GABRA4: variants seen among roughly 807,000 people sequenced by gnomAD.
The protein encoded by GABRA4 is gamma-aminobutyric acid type A receptor subunit alpha4.
Under a neutral mutation model 49.7 loss-of-function variants are expected in GABRA4, and 12 were observed. The ratio of observed to expected loss-of-function variants is 0.24; its 90% CI spans 0.15 to 0.39. GABRA4 has a LOEUF of 0.39. GABRA4 is among the 10% of genes least tolerant of loss of function. The probability of loss-of-function intolerance (pLI) is 1.00; values close to 1 mark genes in which losing one functional copy is unlikely to be tolerated. For synonymous variants in GABRA4, 288 were observed against 240.2 expected, an observed-to-expected ratio of 1.20 and a Z score of -1.84; for missense variants, 506 against 686.0, an observed-to-expected ratio of 0.74 and a Z score of 2.93.
Position 46,928,171 on chromosome 4 carries a change from A to G in GABRA4, c.*54T>C, listed in dbSNP as rs1223733700. 20 of 1,379,666 alleles carry G rather than the reference A, an allele frequency of 1.4e-5. No homozygotes were observed. The highest frequency in any genetic ancestry group is 1.9e-5 in the Non-Finnish European group (19 of 1,018,350). The allele number at this position is 1,379,666 out of a possible 1,614,324, so 85.5% of individuals were successfully genotyped here. On this transcript the variant is annotated 3_prime_UTR_variant, in exon 9 of 9. Transcript: ENST00000264318. ...TATTTGTTTATATTTAAAAACATTT[A>G]AAAAGACATTCTGCATTTTCATCAT...
chr4:46,935,756 G>T (rs988319583), intron 8 of GABRA4, among the ~76,000 whole-genome samples: 3 of 152,080 alleles, frequency 2.0e-5, no homozygotes, highest in Admixed American at 2.0e-4. Context: ...ACCATGGCAC[G>T]TGTATACCTA....
At chr4:46,941,114 C>T (rs1187371722) in intron 8 of GABRA4, among the ~76,000 whole-genome samples, 3 of 151,442 alleles carry the variant, frequency 2.0e-5, no homozygotes, top group Admixed American at 1.3e-4. Context: ...ATGTATACTG[C>T]CAATATAACC....
chr4:46,981,503 G>A (rs2109399300), intron 2 of GABRA4, among the ~76,000 whole-genome samples: 1 of 152,164 alleles, frequency 6.6e-6, no homozygotes, highest in Admixed American at 6.6e-5. Flanking sequence ...TTGAGACTGA[G>A]TAAGATCCTA....
chr4:46,956,204 T>C (rs1722355105), intron 8 of GABRA4, among the ~76,000 whole-genome samples: 1 of 152,028 alleles, frequency 6.6e-6, no homozygotes, highest in Admixed American at 6.6e-5. Flanking sequence ...GAGGTACTTA[T>C]TTATATAAAA....
intron 2 of GABRA4, among the ~76,000 whole-genome samples, chr4:46,991,030 A>T (rs965005109): frequency 2.6e-5 from 4 of 152,072 alleles, no homozygotes; most frequent in African/African-American, 9.7e-5. Flanking sequence ...AAATATATTT[A>T]AAAAAATTAG....
At position 46,922,041 on chromosome 4, in the gene GABRA4, A is replaced by G. The variant is rs1721052587; in HGVS notation, c.*6184T>C. Reference sequence around the variant, plus strand: ...AAAAGACAAAATCTGTCTTCATACGATTTTACTATATACTTCCGAATAGTG... The same window carrying G: ...AAAAGACAAAATCTGTCTTCATACGGTTTTACTATATACTTCCGAATAGTG... On this transcript the variant is annotated 3_prime_UTR_variant, in exon 9 of 9. Transcript: ENST00000264318. The G allele has an allele frequency of 6.6e-6, 1 of 152,100 alleles. No individual in the cohort carries two copies. The highest frequency in any genetic ancestry group is 1.9e-4 in the East Asian group (1 of 5,182). The allele number at this position is 152,100 out of a possible 1,614,324, so 9.4% of individuals were successfully genotyped here.
At chr4:46,961,517 G>C (rs988165798) in intron 8 of GABRA4, among the ~76,000 whole-genome samples, 1 of 151,780 alleles carries the variant, frequency 6.6e-6, no homozygotes, top group African/African-American at 2.4e-5. Flanking sequence ...TTGTTTTTTG[G>C]TACACTATCG....
intron 2 of GABRA4, among the ~76,000 whole-genome samples, chr4:46,985,092 A>G (rs1455836367): frequency 6.6e-6 from 1 of 152,074 alleles, no homozygotes; most frequent in African/African-American, 2.4e-5. Context: ...AGTCAAAATG[A>G]ATGATCTATT....
intron 2 of GABRA4, among the ~76,000 whole-genome samples, chr4:46,989,476 C>T (rs147023533): frequency 1.1e-3 from 164 of 152,332 alleles, no homozygotes; most frequent in African/African-American, 3.8e-3. Context: ...CCTTCCCTCT[C>T]TTCTCGCCTT....
rs1167892703 is a variant in GABRA4, at chr4:46,920,121, GA to G, written c.*8103del. The G allele has an allele frequency of 6.6e-6, 1 of 151,514 alleles. No homozygotes were observed. The allele number at this position is 151,514 out of a possible 1,614,324, so 9.4% of individuals were successfully genotyped here. On this transcript the variant is annotated 3_prime_UTR_variant, in exon 9 of 9. Transcript: ENST00000264318. ...ATAATTCACAAGTATAAAAGACTGA[GA>G]AAAAAATATGTCAATCAAACTTTAA...
At chr4:46,942,435 C>T (rs1721835571) in intron 8 of GABRA4, among the ~76,000 whole-genome samples, 1 of 152,004 alleles carries the variant, frequency 6.6e-6, no homozygotes, top group African/African-American at 2.4e-5. Flanking sequence ...GTCTAGCCAA[C>T]ACAGTGAAAC....
intron 2 of GABRA4, among the ~76,000 whole-genome samples, chr4:46,983,638 T>G (rs1275930003): frequency 3.3e-5 from 5 of 152,114 alleles, no homozygotes; most frequent in Non-Finnish European, 5.9e-5. Flanking sequence ...AGGCTTCTGA[T>G]AAATCAGTTG....
intron 8 of GABRA4, among the ~76,000 whole-genome samples, chr4:46,957,457 A>G (rs567823899): frequency 3.9e-5 from 6 of 152,106 alleles, no homozygotes; most frequent in African/African-American, 1.4e-4. Context: ...GGTTAGGGTA[A>G]AATGGAAATA....
intron 8 of GABRA4, among the ~76,000 whole-genome samples, chr4:46,957,643 C>G (rs1722413100): frequency 6.6e-6 from 1 of 151,968 alleles, no homozygotes; most frequent in Non-Finnish European, 1.5e-5. Flanking sequence ...TGCTTCATCT[C>G]TCTTCCCTAT....
Position 46,965,010 on chromosome 4 carries a change from G to A in GABRA4, c.1094C>T (p.Ala365Val), listed in dbSNP as rs745927415. The A allele has an allele frequency of 6.2e-7, 1 of 1,611,696 alleles. No individual in the cohort carries two copies. Among genetic ancestry groups the A allele is most frequent in the Admixed American group, 1.7e-5 (1 of 59,756 alleles). The change falls in exon 8 of 9, where the codon GCT becomes GTT. Residue 365 changes from alanine to valine, a missense_variant. Physicochemically the swap from Ala to Val is moderately conservative, Grantham distance 64. Around this residue, in one of 5 missense-constraint regions of GABRA4, gnomAD observed 243 missense variants for 210.8 expected, o/e 1.15. Coordinates refer to ENST00000264318, the MANE Select transcript of GABRA4 (RefSeq NM_000809.4). ...TSKPPQEVPA[A>V]PVQREKHPEA... ...AGGATGCTTCTCTCTCTGCACTGGA[G>A]CAGCGGGAACTTCCTGAGGGGGCTT...
intron 8 of GABRA4, among the ~76,000 whole-genome samples, chr4:46,963,138 A>C (rs1490268171): frequency 6.6e-6 from 1 of 151,882 alleles, no homozygotes; most frequent in Non-Finnish European, 1.5e-5. Flanking sequence ...CCAAGTATAC[A>C]ATCAACAAAG....
intron 8 of GABRA4, among the ~76,000 whole-genome samples, chr4:46,949,740 A>C (rs1722099924): frequency 6.6e-6 from 1 of 152,168 alleles, no homozygotes; most frequent in Non-Finnish European, 1.5e-5. Context: ...CAAATGTGCA[A>C]AAATGAATGA....
chr4:46,981,548 C>T (rs961151773), intron 2 of GABRA4, among the ~76,000 whole-genome samples: 4 of 152,086 alleles, frequency 2.6e-5, no homozygotes, highest in African/African-American at 9.7e-5. Context: ...TTCCTTCAGA[C>T]ATTCATTCAA....
chr4:46,928,423 T>C lies in GABRA4; in HGVS notation c.1467A>G (p.Thr489=). The C allele has an allele frequency of 6.2e-7, 1 of 1,613,686 alleles. No individual in the cohort carries two copies. Among genetic ancestry groups the C allele is most frequent in the Non-Finnish European group, 8.5e-7 (1 of 1,179,702 alleles). ...FGSRLQRIKT[T]VNTIGATGKL... is the part of the protein sequence containing the mutation. ...TCCCAGTAGCCCCTATGGTATTAAC[T>C]GTGGTCTTTATCCTCTGCAGTCTTG... Residue 489 remains threonine, a synonymous_variant, in exon 9 of 9, where the codon ACA becomes ACG. Coordinates refer to ENST00000264318, the MANE Select transcript of GABRA4 (RefSeq NM_000809.4).
Sources: allele counts gnomAD v4.1 joint callset (sites outside exome capture counted in the v4.1 genomes callset), GRCh38; gene constraint gnomAD v4.1.1; regional missense constraint gnomAD v4.1.1; transcripts MANE v1.5; gene names NCBI Gene and HGNC (gene_info 2026-07-23, HGNC 2026-07-21).